SNX31: variants seen among roughly 807,000 people sequenced by gnomAD.
The protein encoded by SNX31 is sorting nexin 31.
SNX31 carries 58 observed loss-of-function variants against 65.4 expected under a neutral mutation model. The observed-to-expected ratio is 0.89, with a 90% CI of 0.72 to 1.10. The LOEUF is 1.10. SNX31 is among the 50% of genes least tolerant of loss of function. The probability of loss-of-function intolerance (pLI) is 0.00; values close to 1 mark genes in which losing one functional copy is unlikely to be tolerated. For synonymous variants in SNX31, 181 were observed against 190.1 expected, an observed-to-expected ratio of 0.95 and a Z score of 0.39; for missense variants, 523 against 529.7, an observed-to-expected ratio of 0.99 and a Z score of 0.12.
At chr8:100,581,321 ATATCTATCTATCTATC>A (rs1188651921) in intron 12 of SNX31, among the ~76,000 whole-genome samples, 2 of 123,496 alleles carry the variant, frequency 1.6e-5, no homozygotes, top group African/African-American at 9.0e-5. Flanking sequence ...TTATATATCT[ATATCTATCTATCTATC>A]TATATATATA....
chr8:100,617,302 T>C (rs1341285091), intron 5 of SNX31, among the ~76,000 whole-genome samples: 1 of 152,166 alleles, frequency 6.6e-6, no homozygotes, highest in Non-Finnish European at 1.5e-5. Flanking sequence ...CGATGGGACA[T>C]CCAGTAATAA....
In SNX31 at chr8:100,577,498, TGAA is replaced by T. The variant is rs536698843; in HGVS notation, c.1171-426_1171-424del. Among the ~76,000 whole-genome samples the T allele has an allele frequency of 2.7e-3, 418 of 152,324 alleles. 4 individuals are homozygous for T. Among genetic ancestry groups the T allele is most frequent in the African/African-American group, 9.1e-3 (380 of 41,574 alleles). On this transcript the variant is annotated intron_variant, in intron 12 of 13. Transcript: ENST00000311812. ...GAATCAAAGCGAAGTTCAAGGCACT[TGAA>T]TATACCTCATGTACATAAGGTAAAC...
At chr8:100,647,710 C>T (rs36015513) in intron 2 of SNX31, among the ~76,000 whole-genome samples, 6,936 of 152,224 alleles carry the variant, frequency 0.046, 225 homozygotes, top group Non-Finnish European at 0.07. Context: ...TCAGCCAGGA[C>T]GCAGTTGATC....
chr8:100,580,525 T>C (rs1813402751), intron 12 of SNX31, among the ~76,000 whole-genome samples: 2 of 152,344 alleles, frequency 1.3e-5, no homozygotes, highest in Middle Eastern at 3.4e-3. Flanking sequence ...TGGCCAATTG[T>C]CGTAGGGGAA....
chr8:100,577,233 C>T (rs1813120409), intron 12 of SNX31, among the ~76,000 whole-genome samples, 158 bp from the exon 13 acceptor site: 1 of 152,256 alleles, frequency 6.6e-6, no homozygotes, highest in Non-Finnish European at 1.5e-5. Flanking sequence ...GTGCATTCCT[C>T]TTTCACTTGT....
intron 3 of SNX31, 56 bp downstream of exon 3, chr8:100,635,841 G>A (rs971615015): frequency 7.7e-6 from 9 of 1,171,246 alleles, no homozygotes; most frequent in Non-Finnish European, 1.1e-5. Flanking sequence ...GAATTTTGTG[G>A]CATATAGCTT....
chr8:100,641,804 C>T (rs915629128), intron 2 of SNX31, among the ~76,000 whole-genome samples: 2 of 149,462 alleles, frequency 1.3e-5, no homozygotes, highest in East Asian at 2.0e-4. Flanking sequence ...ATAGGCCGGG[C>T]GTGGTGGCTC....
rs1401577072 is a variant in SNX31 at position 100,648,107 on chromosome 8, T to C, written c.141+1167A>G. Among the ~76,000 whole-genome samples the C allele has an allele frequency of 6.6e-6, 1 of 152,224 alleles. No homozygotes were observed. Among genetic ancestry groups the C allele is most frequent in the Non-Finnish European group, 1.5e-5 (1 of 68,042 alleles). On this transcript the variant is annotated intron_variant, in intron 2 of 13. Coordinates refer to ENST00000311812, the MANE Select transcript of SNX31 (RefSeq NM_152628.4). The surrounding 1 kb of genome is among the most constrained non-coding windows in gnomAD (Gnocchi z 4.3). ...ACACCTTGAAAATGGACTTTTCCAA[T>C]GCACTGTGATGTATGAGCAAGAAGG...
At position 100,584,132 on chromosome 8, in the gene SNX31, T is replaced by C. The variant is rs1212491014; in HGVS notation, c.1149A>G (p.Leu383=). 3 of 1,604,480 alleles carry C rather than the reference T, an allele frequency of 1.9e-6. No individual in the cohort carries two copies. Among genetic ancestry groups the C allele is most frequent in the African/African-American group, 2.7e-5 (2 of 74,176 alleles). The change falls in exon 12 of 14, where the codon CTA becomes CTG. Residue 383 remains leucine, a synonymous_variant. Coordinates refer to ENST00000311812, the MANE Select transcript of SNX31 (RefSeq NM_152628.4). ...TCACCATTTCTGTATTCTCAGCAGCTAGCTTTACCATCTTTTCTGAGATCA... is the reference window on the plus strand; with the variant it reads ...TCACCATTTCTGTATTCTCAGCAGCCAGCTTTACCATCTTTTCTGAGATCA... ...KKMISEKMVK[L]AAENTEMQIE... is the part of the protein sequence containing the mutation.
intron 2 of SNX31, among the ~76,000 whole-genome samples, chr8:100,645,888 G>T (rs1049499199): frequency 6.6e-6 from 1 of 152,112 alleles, no homozygotes; most frequent in African/African-American, 2.4e-5. Context: ...TGGGATTGCA[G>T]GTGTGAATCA....
intron 8 of SNX31, among the ~76,000 whole-genome samples, chr8:100,602,951 G>A (rs1815781482): frequency 6.6e-6 from 1 of 152,156 alleles, no homozygotes; most frequent in Non-Finnish European, 1.5e-5. Context: ...TGTTCTGTGG[G>A]GAGGAACAAT....
At chr8:100,602,709 T>C (rs2130949927) in intron 8 of SNX31, among the ~76,000 whole-genome samples, 1 of 152,310 alleles carries the variant, frequency 6.6e-6, no homozygotes, top group Non-Finnish European at 1.5e-5. Context: ...CTGAGATCAC[T>C]ACTAAGTGAC....
At position 100,618,897 on chromosome 8, in the gene SNX31, C is replaced by T. The variant is rs190213608; in HGVS notation, c.322-1167G>A. On this transcript the variant is annotated intron_variant, in intron 4 of 13. Transcript: ENST00000311812. The stretch of plus-strand genomic sequence containing the variant: ...TATGGAGGTGCCGTTATGGAAGCTC[C>T]TCAAACCCCATTGCTTAGGGGTTTC... The T allele has an allele frequency of 3.7e-3, 565 of 154,328 alleles. 3 individuals are homozygous for T. The highest frequency in any genetic ancestry group is 0.012 in the African/African-American group (490 of 41,506). The allele number at this position is 154,328 out of a possible 1,614,324, so 9.6% of individuals were successfully genotyped here.
intron 5 of SNX31, among the ~76,000 whole-genome samples, chr8:100,616,931 G>T (rs1246985818): frequency 1.3e-5 from 2 of 152,136 alleles, no homozygotes; most frequent in African/African-American, 4.8e-5. Flanking sequence ...TTCTCTGGAG[G>T]ATTAGAGCTA....
intron 11 of SNX31, 134 bp from the exon 12 acceptor site, chr8:100,584,322 A>G (rs964135926): frequency 5.0e-6 from 3 of 605,220 alleles, no homozygotes; most frequent in East Asian, 6.8e-5. Flanking sequence ...TTTCTTCATT[A>G]ACCTCTAGAA....
At chr8:100,659,353 CAAAAAAAAAAAAAA>C (rs148671568) in intron 1 of SNX31, among the ~76,000 whole-genome samples, 2,348 of 71,592 alleles carry the variant, frequency 0.033, 92 homozygotes, top group African/African-American at 0.11. Context: ...AACTCCATCA[CAAAAAAAAAAAAAA>C]AAAAAAAAAA....
rs1296307022 is a variant in SNX31, at chr8:100,576,179, C to T, written c.1227+840G>A. Among the ~76,000 whole-genome samples, 1 of 152,184 alleles carries T rather than the reference C, an allele frequency of 6.6e-6. No individual in the cohort carries two copies. The highest frequency in any genetic ancestry group is 1.9e-4 in the East Asian group (1 of 5,198). Reference sequence around the variant, plus strand: ...ATTTCTGCTAGTTTATTTTCCCTGACTGTATTCATTCAAGAAAGGACTTTA... The same window carrying T: ...ATTTCTGCTAGTTTATTTTCCCTGATTGTATTCATTCAAGAAAGGACTTTA... On this transcript the variant is annotated intron_variant, in intron 13 of 13. Transcript: ENST00000311812. The surrounding 1 kb of genome is among the most constrained non-coding windows in gnomAD (Gnocchi z 4.8).
At chr8:100,641,789 A>C (rs1445303796) in intron 2 of SNX31, among the ~76,000 whole-genome samples, 1 of 149,052 alleles carries the variant, frequency 6.7e-6, no homozygotes, top group African/African-American at 2.5e-5. Flanking sequence ...CTAGTATAAA[A>C]TATTATAGGC....
intron 2 of SNX31, among the ~76,000 whole-genome samples, chr8:100,641,442 G>A (rs1819169228): frequency 6.7e-6 from 1 of 148,496 alleles, no homozygotes; most frequent in Non-Finnish European, 1.5e-5. Context: ...AGGAAGTTGA[G>A]GTGGGAGAAT....
Sources: allele counts gnomAD v4.1 joint callset (sites outside exome capture counted in the v4.1 genomes callset), GRCh38; gene constraint gnomAD v4.1.1; non-coding constraint Gnocchi (gnomAD v3.1); transcripts MANE v1.5; gene names NCBI Gene and HGNC (gene_info 2026-07-23, HGNC 2026-07-21).